Variants in STPG2 observed in about 807,000 individuals in gnomAD.
STPG2 encodes the protein sperm tail PG-rich repeat containing 2.
In STPG2, 56 loss-of-function variants were observed where a neutral mutation model predicts 54.2. The ratio of observed to expected loss-of-function variants is 1.03; its 90% confidence interval spans 0.83 to 1.29. The LOEUF is 1.29. Ranked by LOEUF, STPG2 falls within the 50% of genes most tolerant of loss-of-function variation. The pLI, the probability that STPG2 is intolerant of heterozygous loss-of-function variation, is 0.00. For synonymous variants in STPG2, 200 were observed against 181.8 expected (o/e 1.10, Z -0.81); for missense variants, 596 against 544.9 (o/e 1.09, Z -0.93).
At chr4:97,844,127 A>G (rs2149124472) in intron 8 of STPG2, among the ~76,000 whole-genome samples, 1 of 151,974 alleles carries the variant, frequency 6.6e-6, no homozygotes, top group Non-Finnish European at 1.5e-5. Context: ...AGAATTTTTC[A>G]ATTTCATTCA....
intron 10 of STPG2, among the ~76,000 whole-genome samples, chr4:97,694,494 C>T (rs985159114): frequency 5.3e-5 from 8 of 151,668 alleles, no homozygotes; most frequent in African/African-American, 7.3e-5. Context: ...TAACAAGCAG[C>T]GAGATTAAAT....
Position 98,069,599 on chromosome 4 carries a change from G to A in STPG2, c.612+36354C>T, listed in dbSNP as rs138746774. ...AAACGTGTGCTGCTTACAGAACAGA[G>A]TTTGAGTTCTAACTGTTGAGAGACA... On this transcript the variant is annotated intron_variant, in intron 5 of 10. Transcript: ENST00000295268. Among the ~76,000 whole-genome samples, 20 of 152,142 alleles carry A rather than the reference G, an allele frequency of 1.3e-4. 1 individual carries two copies. In the East Asian group the frequency reaches 2.9e-3, roughly 22 times the overall value.
intron 5 of STPG2, among the ~76,000 whole-genome samples, chr4:97,991,340 A>G (rs970493445): frequency 2.0e-5 from 3 of 150,804 alleles, no homozygotes; most frequent in African/African-American, 7.3e-5. Flanking sequence ...ACATATATAT[A>G]TGTGTGTATA....
At chr4:97,454,314 C>T (rs1186632147) in intron 4 of STPG2, among the ~76,000 whole-genome samples, 1 of 150,456 alleles carries the variant, frequency 6.6e-6, no homozygotes, top group East Asian at 2.0e-4. Flanking sequence ...GAGATCGAGA[C>T]CATCCTGGCT....
intron 4 of STPG2, among the ~76,000 whole-genome samples, chr4:97,500,811 G>A (rs1218024956): frequency 6.6e-6 from 1 of 152,040 alleles, no homozygotes; most frequent in African/African-American, 2.4e-5. Flanking sequence ...CATGACAAGA[G>A]TGGTTTCTAT....
chr4:97,919,836 C>A (rs1241049768), intron 8 of STPG2, among the ~76,000 whole-genome samples: 1 of 152,134 alleles, frequency 6.6e-6, no homozygotes, highest in East Asian at 1.9e-4. Flanking sequence ...GACCCCCAAA[C>A]CTATAAAAGG....
chr4:97,638,829 A>C (rs9684088), intron 10 of STPG2, among the ~76,000 whole-genome samples: 72,144 of 131,056 alleles, frequency 0.55, 19,445 homozygotes, highest in South Asian at 0.64. Context: ...GGCAATCATT[A>C]AAAAGTCAGG....
chr4:97,771,804 G>C (rs1180595512), intron 9 of STPG2, among the ~76,000 whole-genome samples: 1 of 152,242 alleles, frequency 6.6e-6, no homozygotes, highest in Non-Finnish European at 1.5e-5. Context: ...TATGTCAGGA[G>C]TACCATGGGA....
intron 8 of STPG2, chr4:97,893,120 C>G (rs1373759218): frequency 6.6e-6 from 1 of 152,112 alleles, no homozygotes; most frequent in Non-Finnish European, 1.5e-5. Context: ...GGGAAACTAA[C>G]TACATTCCTC....
intron 8 of STPG2, among the ~76,000 whole-genome samples, chr4:97,904,765 A>T (rs549621623): frequency 2.2e-4 from 34 of 152,356 alleles, no homozygotes; most frequent in Admixed American, 2.0e-4. Context: ...TGCCTAAAGG[A>T]GCTGATGGAG....
chr4:97,766,765 C>A (rs1726067798), intron 9 of STPG2, among the ~76,000 whole-genome samples: 1 of 152,004 alleles, frequency 6.6e-6, no homozygotes, highest in Admixed American at 6.5e-5. Context: ...TAAATAAATT[C>A]AATGTCATCT....
intron 2 of STPG2, among the ~76,000 whole-genome samples, chr4:98,129,833 A>T (rs962366578): frequency 2.6e-5 from 4 of 152,258 alleles, no homozygotes; most frequent in African/African-American, 9.6e-5. Context: ...TTATGTTATA[A>T]ACGTACTATC....
intron 10 of STPG2, among the ~76,000 whole-genome samples, chr4:97,638,522 C>A (rs947263609): frequency 6.6e-6 from 1 of 151,882 alleles, no homozygotes; most frequent in Admixed American, 6.6e-5. Context: ...AGAGCTTCTG[C>A]GCAGCAAAAG....
intron 7 of STPG2, among the ~76,000 whole-genome samples, chr4:97,967,632 A>G (rs1247990550): frequency 6.6e-6 from 1 of 152,214 alleles, no homozygotes; most frequent in African/African-American, 2.4e-5. Context: ...AGCAAATGCA[A>G]AAGAACAGAA....
intron 10 of STPG2, among the ~76,000 whole-genome samples, chr4:97,619,237 GTA>G (rs1335537533): frequency 3.3e-5 from 5 of 151,916 alleles, no homozygotes; most frequent in African/African-American, 9.7e-5. Context: ...GTGTGTGTGT[GTA>G]TGTGTGTGTG....
chr4:97,485,390 C>T (rs1578335323), intron 4 of STPG2, among the ~76,000 whole-genome samples: 2 of 151,840 alleles, frequency 1.3e-5, no homozygotes, highest in African/African-American at 4.8e-5. Flanking sequence ...GTACACAAAT[C>T]AGTAGCTCTT....
chr4:97,489,472 A>C (rs1730451544), intron 4 of STPG2, among the ~76,000 whole-genome samples: 1 of 151,676 alleles, frequency 6.6e-6, no homozygotes, highest in African/African-American at 2.4e-5. Context: ...ATATAGTCAA[A>C]GAGATAGTTC....
At chr4:97,958,813 A>G (rs907453028) in intron 7 of STPG2, among the ~76,000 whole-genome samples, 6 of 152,218 alleles carry the variant, frequency 3.9e-5, no homozygotes, top group Admixed American at 6.5e-5. Context: ...TAGACAGGTC[A>G]TCAAGACAGA....
intron 10 of STPG2, among the ~76,000 whole-genome samples, chr4:97,683,052 G>A (rs6825353): frequency 0.44 from 67,132 of 151,366 alleles, 16,528 homozygotes; most frequent in South Asian, 0.62. Flanking sequence ...AAGTTAACTG[G>A]TTACTATTTC....
Sources: allele counts gnomAD v4.1 joint callset (sites outside exome capture counted in the v4.1 genomes callset), GRCh38; gene constraint gnomAD v4.1.1; transcripts MANE v1.5; gene names NCBI Gene and HGNC (gene_info 2026-07-23, HGNC 2026-07-21).